The following REC114 variants were observed in gnomAD, a reference collection of about 807,000 sequenced individuals.
REC114 encodes meiotic recombination protein REC114.
A neutral mutation model predicts 31.3 loss-of-function variants in REC114; 27 were observed. The ratio of observed to expected loss-of-function variants is 0.86; its 90% CI spans 0.64 to 1.19. The LOEUF is 1.19. Among genes scored for constraint, REC114 ranks in the 50% most tolerant of loss-of-function variants. The pLI is 0.00. For synonymous variants in REC114, 134 were observed against 127.7 expected (o/e 1.05, Z -0.33); for missense variants, 344 against 326.9 (o/e 1.05, Z -0.40).
intron 2 of REC114, among the ~76,000 whole-genome samples, chr15:73,479,673 A>G (rs865884777): frequency 3.3e-5 from 5 of 152,204 alleles, no homozygotes; most frequent in African/African-American, 9.6e-5. Flanking sequence ...TATAAGTGAG[A>G]TCATGTAATT....
intron 2 of REC114, among the ~76,000 whole-genome samples, chr15:73,476,881 G>A (rs1161692907): frequency 2.0e-5 from 3 of 152,208 alleles, no homozygotes; most frequent in East Asian, 1.9e-4. Context: ...ATTTTTCATC[G>A]TTAAATGTCC....
intron 2 of REC114, among the ~76,000 whole-genome samples, chr15:73,483,008 T>A (rs1325899128): frequency 6.6e-6 from 1 of 152,132 alleles, no homozygotes; most frequent in Non-Finnish European, 1.5e-5. Flanking sequence ...TGCCAATGCT[T>A]ATTATTTTCT....
chr15:73,537,024 A>C (rs1403721776), intron 2 of REC114, among the ~76,000 whole-genome samples: 2 of 152,186 alleles, frequency 1.3e-5, no homozygotes, highest in East Asian at 1.9e-4. Context: ...AATTGTAATA[A>C]AGTGTTTCAT....
In REC114 at chr15:73,535,378, C is replaced by T. The variant is rs574333727; in HGVS notation, c.250-5107C>T. Among the ~76,000 whole-genome samples, 8 of 152,206 alleles carry T rather than the reference C, an allele frequency of 5.3e-5. No homozygotes were observed. In the South Asian group the frequency reaches 1.2e-3, roughly 24 times the overall value. On this transcript the variant is annotated intron_variant, in intron 2 of 5. Transcript: ENST00000331090. ...TGCAAAAATCACATGCATTCTTATACACCAGCAACAGACAAACAGCCAAAT... is the reference window on the plus strand; with the variant it reads ...TGCAAAAATCACATGCATTCTTATATACCAGCAACAGACAAACAGCCAAAT...
intron 4 of REC114, among the ~76,000 whole-genome samples, chr15:73,555,522 T>A (rs1894453832): frequency 6.6e-6 from 1 of 152,174 alleles, no homozygotes; most frequent in Non-Finnish European, 1.5e-5. Flanking sequence ...TCCCTGTACT[T>A]CCTGCTTAGC....
chr15:73,507,635 A>G (rs993997759), intron 2 of REC114, among the ~76,000 whole-genome samples: 5 of 152,182 alleles, frequency 3.3e-5, no homozygotes, highest in African/African-American at 9.7e-5. Context: ...GACACTATAT[A>G]TGGGTACACA....
rs191771381 is a variant in REC114 at position 73,452,921 on chromosome 15, G to C, written c.159+9577G>C. Among the ~76,000 whole-genome samples the C allele has an allele frequency of 3.4e-4, 52 of 152,320 alleles. 1 individual carries two copies. In the East Asian group the frequency reaches 8.9e-3, roughly 26 times the overall value. On this transcript the variant is annotated intron_variant, in intron 1 of 5. Coordinates refer to ENST00000331090, the MANE Select transcript of REC114 (RefSeq NM_001042367.2). ...TTAATAAATGGTGTTGGGAAAACTGGCTAGCCATATGCAGAAAGCTGAAAC... is the reference window on the plus strand; with the variant it reads ...TTAATAAATGGTGTTGGGAAAACTGCCTAGCCATATGCAGAAAGCTGAAAC...
chr15:73,473,894 C>T lies in REC114; in HGVS notation c.222C>T (p.Phe74=), dbSNP rs752161006. 1.9e-6 allele frequency: 3 copies of T among 1,584,342 alleles called. No individual in the cohort carries two copies. The highest frequency in any genetic ancestry group is 2.6e-6 in the Non-Finnish European group (3 of 1,162,118). ...TCACCATAGTTATATCAGGTCATTT[C>T]TTCATTTTCCAAGGACAGACACTAC... ...LVLTIVISGH[F]FIFQGQTLLE... Residue 74 remains phenylalanine (F), a synonymous_variant, in exon 2 of 6, where the codon TTC becomes TTT. Transcript: ENST00000331090.
At chr15:73,544,876 T>C (rs955077416) in intron 3 of REC114, among the ~76,000 whole-genome samples, 2 of 152,226 alleles carry the variant, frequency 1.3e-5, no homozygotes, top group Admixed American at 6.5e-5. Context: ...CTTACCAACC[T>C]GGGTGATGAA....
chr15:73,523,674 C>T (rs1893967466), intron 2 of REC114, among the ~76,000 whole-genome samples: 1 of 152,118 alleles, frequency 6.6e-6, no homozygotes, highest in African/African-American at 2.4e-5. Context: ...TTAACGTTGC[C>T]TTTGGAAGAG....
intron 2 of REC114, among the ~76,000 whole-genome samples, chr15:73,533,617 A>T (rs1351807334): frequency 4.1e-5 from 6 of 146,938 alleles, no homozygotes; most frequent in Admixed American, 1.4e-4. Context: ...TGTCAACATT[A>T]GACAGATCAA....
Position 73,548,838 on chromosome 15 carries a change from G to A in REC114, c.334-2100G>A, listed in dbSNP as rs536522741. ...AGAAAATATGGTACATGCACACCAT[G>A]GAGTACTATGCAGCCATAAAAACAT... is the stretch of plus-strand genomic sequence containing the variant. On this transcript the variant is annotated intron_variant, in intron 3 of 5. Transcript: ENST00000331090. Among the ~76,000 whole-genome samples the A allele has an allele frequency of 4.0e-4, 61 of 152,304 alleles. 1 individual carries two copies. Among genetic ancestry groups the A allele is most frequent in the African/African-American group, 1.4e-3 (59 of 41,556 alleles).
At chr15:73,443,386 C>G in intron 1 of REC114, 42 bp downstream of exon 1, 1 of 1,528,740 alleles carries the variant, frequency 6.5e-7, no homozygotes, top group Non-Finnish European at 8.8e-7. Context: ...TGCCCACAGC[C>G]CTCAGGAGGG....
At chr15:73,504,774 A>T (rs542008256) in intron 2 of REC114, among the ~76,000 whole-genome samples, 9 of 147,608 alleles carry the variant, frequency 6.1e-5, no homozygotes, top group East Asian at 2.2e-4. Flanking sequence ...GTTACTTATT[A>T]AAAAAAATTG....
At chr15:73,544,674 A>T (rs902478932) in intron 3 of REC114, among the ~76,000 whole-genome samples, 5 of 152,258 alleles carry the variant, frequency 3.3e-5, no homozygotes, top group African/African-American at 1.2e-4. Flanking sequence ...AGGAGTTTTT[A>T]AAATGATTTC....
In REC114 at chr15:73,457,009, G is replaced by A. The variant is rs186310497; in HGVS notation, c.159+13665G>A. Among the ~76,000 whole-genome samples, 745 of 140,896 alleles carry A rather than the reference G, an allele frequency of 5.3e-3. 6 individuals carry two copies. The highest frequency in any genetic ancestry group is 0.019 in the African/African-American group (706 of 37,642). 92.4% of individuals were successfully genotyped at this position (140,896 alleles called of 152,430 possible). Reference sequence around the variant, plus strand: ...GATAATTTTTTATTGCAGGCCTAATGTTGTGAATTTTACTTTGTTGGGTAC... The same window carrying A: ...GATAATTTTTTATTGCAGGCCTAATATTGTGAATTTTACTTTGTTGGGTAC... On this transcript the variant is annotated intron_variant, in intron 1 of 5. Transcript: ENST00000331090.
In REC114 at chr15:73,556,284, C is replaced by A. The variant is rs759447311; in HGVS notation, c.547-18C>A. The A allele has an allele frequency of 5.0e-6, 8 of 1,604,842 alleles. No individual in the cohort carries two copies. The African/African-American group carries it at 1.1e-4, about 22-fold the overall frequency. On this transcript the variant is annotated intron_variant, in intron 4 of 5. Coordinates refer to ENST00000331090, the MANE Select transcript of REC114 (RefSeq NM_001042367.2). ...TTACATTCAGCTAGTCTCCTTATTGCATGTTGTTTTATTCCAGTCCCACCA... is the reference window on the plus strand; with the variant it reads ...TTACATTCAGCTAGTCTCCTTATTGAATGTTGTTTTATTCCAGTCCCACCA...
intron 3 of REC114, among the ~76,000 whole-genome samples, chr15:73,545,783 G>A (rs1163239155): frequency 1.3e-5 from 2 of 152,098 alleles, no homozygotes; most frequent in African/African-American, 4.8e-5. Context: ...GTCTGCTTGT[G>A]CATACAGCTT....
chr15:73,477,811 A>ATATTTT (rs1221494073), intron 2 of REC114, among the ~76,000 whole-genome samples: 1 of 152,124 alleles, frequency 6.6e-6, no homozygotes, highest in Admixed American at 6.6e-5. Context: ...TTTAGTATTA[A>ATATTTT]TATTTTTATT....
Sources: gnomAD v4.1 joint callset for allele counts (sites outside exome capture counted in the v4.1 genomes callset) on GRCh38, gnomAD v4.1.1 for gene constraint, MANE v1.5 for transcripts, NCBI Gene and HGNC (gene_info 2026-07-23, HGNC 2026-07-21) for gene names.